Variants in ABCB5 observed in about 807,000 individuals in gnomAD.
The protein encoded by ABCB5 is ATP-binding cassette sub-family B member 5.
ABCB5 carries 155 observed loss-of-function variants against 144.2 expected under a neutral mutation model. The observed-to-expected ratio is 1.08, with a 90% confidence interval of 0.94 to 1.23. The LOEUF is 1.23. Ranked by LOEUF, ABCB5 falls within the 50% of genes most tolerant of loss-of-function variation. The probability of loss-of-function intolerance (pLI) is 0.00; values close to 1 mark genes in which losing one functional copy is unlikely to be tolerated. For missense variants in ABCB5, 1,830 were observed against 1,520.8 expected (o/e 1.20, Z -3.38); for synonymous variants, 610 against 528.6 (o/e 1.15, Z -2.11).
intron 16 of ABCB5, among the ~76,000 whole-genome samples, chr7:20,693,588 G>T (rs932024427): frequency 6.6e-6 from 1 of 151,982 alleles, no homozygotes; most frequent in African/African-American, 2.4e-5. Flanking sequence ...AAATGTATAG[G>T]AAGCTTAAAG....
chr7:20,707,955 T>C lies in ABCB5; in HGVS notation c.2421+3148T>C, dbSNP rs555015884. Among the ~76,000 whole-genome samples, 37 of 151,936 alleles carry C rather than the reference T, an allele frequency of 2.4e-4. No homozygotes were observed. In the East Asian group the frequency reaches 5.2e-3, roughly 21 times the overall value. On this transcript the variant is annotated intron_variant, in intron 20 of 27. Coordinates refer to ENST00000404938, the MANE Select transcript of ABCB5 (RefSeq NM_001163941.2). ...AGTAGCTGGGACTACAGGTGCCTGC[T>C]ACTATGCCCAGCTAATTTTTTTTGT...
chr7:20,620,184 T>C (rs1438905087), intron 1 of ABCB5, among the ~76,000 whole-genome samples: 1 of 152,170 alleles, frequency 6.6e-6, no homozygotes, highest in Non-Finnish European at 1.5e-5. Context: ...ATTTAACAAG[T>C]AAAACTGGAT....
At chr7:20,691,594 A>ATTTATTTATTTC (rs1786233090) in intron 16 of ABCB5, among the ~76,000 whole-genome samples, 1 of 150,534 alleles carries the variant, frequency 6.6e-6, no homozygotes, top group Non-Finnish European at 1.5e-5. Flanking sequence ...TTATTTATTT[A>ATTTATTTATTTC]TTTATTTATT....
chr7:20,751,165 A>G (rs1003942160), intron 26 of ABCB5, among the ~76,000 whole-genome samples: 2 of 152,194 alleles, frequency 1.3e-5, no homozygotes, highest in African/African-American at 4.8e-5. Flanking sequence ...AGTTTCTCAT[A>G]AAAGAGGTGA....
In ABCB5 at chr7:20,646,233, G is replaced by T. The variant is rs577915204; in HGVS notation, c.981+95G>T. 4.5e-4 allele frequency: 548 copies of T among 1,207,984 alleles called. 3 individuals carry two copies. Among genetic ancestry groups the T allele is most frequent in the Middle Eastern group, 8.1e-4 (4 of 4,966 alleles). 74.8% of individuals were successfully genotyped at this position (1,207,984 alleles called of 1,614,324 possible). A position where few individuals can be genotyped will look rare whatever the true frequency, so the allele number is the denominator to read the frequency against. On this transcript the variant is annotated intron_variant, in intron 9 of 27. Coordinates refer to ENST00000404938, the MANE Select transcript of ABCB5 (RefSeq NM_001163941.2). ...TCTTTGAAGATAAATATTCAAAGATGGATGTTTTTATTAAACAAATATTTG... is the reference window on the plus strand; with the variant it reads ...TCTTTGAAGATAAATATTCAAAGATTGATGTTTTTATTAAACAAATATTTG...
intron 1 of ABCB5, among the ~76,000 whole-genome samples, chr7:20,622,672 T>G (rs1783825289): frequency 6.6e-6 from 1 of 152,094 alleles, no homozygotes; most frequent in Non-Finnish European, 1.5e-5. Flanking sequence ...AACTGTGATC[T>G]TAAGACAAGG....
At chr7:20,702,136 T>G (rs1203107783) in intron 19 of ABCB5, among the ~76,000 whole-genome samples, 1 of 152,242 alleles carries the variant, frequency 6.6e-6, no homozygotes, top group Non-Finnish European at 1.5e-5. Context: ...CTTTAGATTC[T>G]TCCTGTTGAA....
At chr7:20,625,789 A>G (rs1222156855) in intron 2 of ABCB5, among the ~76,000 whole-genome samples, 1 of 152,232 alleles carries the variant, frequency 6.6e-6, no homozygotes, top group Non-Finnish European at 1.5e-5. Context: ...CAGCAATTCT[A>G]CTTCCGGGTA....
At chr7:20,720,943 C>CAAAAAAAAAAAAAAAAAAAAAAAAAAA (rs71020677) in intron 20 of ABCB5, among the ~76,000 whole-genome samples, 1 of 71,064 alleles carries the variant, frequency 1.4e-5, no homozygotes, top group Non-Finnish European at 2.6e-5. Context: ...AACTCTGCCT[C>CAAAAAAAAAAAAAAAAAAAAAAAAAAA]AAAAAAAAAA....
At chr7:20,745,071 C>G (rs562285751) in intron 25 of ABCB5, among the ~76,000 whole-genome samples, 161 bp from the exon 26 acceptor site, 1 of 152,284 alleles carries the variant, frequency 6.6e-6, no homozygotes, top group Admixed American at 6.5e-5. Context: ...TGCTTCTATA[C>G]AACGTATGAT....
intron 15 of ABCB5, among the ~76,000 whole-genome samples, chr7:20,683,987 A>C (rs1236255324): frequency 6.9e-6 from 1 of 144,836 alleles, no homozygotes. Flanking sequence ...AGTCCTTGGC[A>C]AGTTATTTAA....
intron 14 of ABCB5, chr7:20,660,067 T>C (rs1014438452): frequency 5.8e-5 from 57 of 985,352 alleles, no homozygotes; most frequent in Non-Finnish European, 6.7e-5. Flanking sequence ...AGTATTTTCA[T>C]CCACTGGTAA....
rs1490269881 is a variant in ABCB5 at position 20,756,893 on chromosome 7, G to C, written c.*1269G>C. On this transcript the variant is annotated 3_prime_UTR_variant, in exon 28 of 28. Transcript: ENST00000404938. ...TTTCTTCCATTTACACATTTAGCTA[G>C]CCTCCCTAAAGTGTACTCTACCAAT... 2.0e-5 allele frequency: 3 copies of C among 152,130 alleles called. No individual in the cohort carries two copies. The highest frequency in any genetic ancestry group is 4.2e-4 in the South Asian group (2 of 4,814). The allele number at this position is 152,130 out of a possible 1,614,324, so 9.4% of individuals were successfully genotyped here.
intron 20 of ABCB5, among the ~76,000 whole-genome samples, chr7:20,717,350 A>G (rs531828973): frequency 3.3e-5 from 5 of 151,594 alleles, no homozygotes; most frequent in Admixed American, 6.6e-5. Flanking sequence ...TTTTACTCCG[A>G]GGGCCTTGGC....
rs1425767752 is a variant in ABCB5, at chr7:20,623,717, G to T, written c.53+379G>T. On this transcript the variant is annotated intron_variant, in intron 2 of 27. Transcript: ENST00000404938. ...TTAATAAAAGAAAATATTCGATTCC[G>T]ATTATTTTCTCTCTGAATAGATGTC... is the stretch of plus-strand genomic sequence containing the variant. Among the ~76,000 whole-genome samples the T allele has an allele frequency of 1.3e-5, 2 of 152,046 alleles. 1 individual carries two copies. Among genetic ancestry groups the T allele is most frequent in the Non-Finnish European group, 2.9e-5 (2 of 67,992 alleles).
chr7:20,734,730 G>A (rs538404194), intron 23 of ABCB5, among the ~76,000 whole-genome samples: 1 of 152,172 alleles, frequency 6.6e-6, no homozygotes, highest in African/African-American at 2.4e-5. Context: ...TATCTGAAAT[G>A]AGCATTTAAA....
chr7:20,708,422 C>G (rs374793273), intron 20 of ABCB5, among the ~76,000 whole-genome samples: 6 of 152,048 alleles, frequency 3.9e-5, no homozygotes, highest in Admixed American at 3.3e-4. Flanking sequence ...GAGGATCGCT[C>G]GAGCCTGGGA....
chr7:20,711,907 TC>T lies in ABCB5; in HGVS notation c.2421+7102del, dbSNP rs1343894462. Among the ~76,000 whole-genome samples the T allele has an allele frequency of 2.6e-3, 328 of 127,706 alleles. 26 individuals are homozygous for T. The highest frequency in any genetic ancestry group is 0.024 in the Admixed American group (303 of 12,484). 83.8% of individuals were successfully genotyped at this position (127,706 alleles called of 152,430 possible). A position where few individuals can be genotyped will look rare whatever the true frequency, so the allele number is the denominator to read the frequency against. On this transcript the variant is annotated intron_variant, in intron 20 of 27. Coordinates refer to ENST00000404938, the MANE Select transcript of ABCB5 (RefSeq NM_001163941.2). ...CTCCCTCCCTCCTTCCTTCCTTCCT[TC>T]CTTTCTTTCTCTCTCTTTCTTTTTC...
chr7:20,619,365 T>C lies in ABCB5; in HGVS notation c.-22+3528T>C, dbSNP rs1783759519. Among the ~76,000 whole-genome samples the C allele has an allele frequency of 2.0e-5, 3 of 152,214 alleles. 1 individual carries two copies. In the South Asian group the frequency reaches 6.2e-4, roughly 31 times the overall value. ...CCAGTATCTGTTATTTTTTGACTTTTTGATAATAGCCATTCTGATTGGTGT... is the reference window on the plus strand; with the variant it reads ...CCAGTATCTGTTATTTTTTGACTTTCTGATAATAGCCATTCTGATTGGTGT... On this transcript the variant is annotated intron_variant, in intron 1 of 27. Transcript: ENST00000404938.
Sources: allele counts gnomAD v4.1 joint callset (sites outside exome capture counted in the v4.1 genomes callset), GRCh38; gene constraint gnomAD v4.1.1; transcripts MANE v1.5; gene names NCBI Gene and HGNC (gene_info 2026-07-23, HGNC 2026-07-21).